Variants in PTPRD observed in about 807,000 individuals in gnomAD.
PTPRD encodes the protein receptor-type tyrosine-protein phosphatase delta.
In PTPRD, 34 loss-of-function variants were observed where a neutral mutation model predicts 214.5. That is an observed-to-expected ratio of 0.16 (90% CI 0.12 to 0.21). The LOEUF (loss-of-function observed/expected upper bound fraction) is 0.21. Ranked by LOEUF, PTPRD falls within the 10% of genes least tolerant of loss-of-function variation. The probability of loss-of-function intolerance (pLI) is 1.00; values close to 1 mark genes in which losing one functional copy is unlikely to be tolerated. For missense variants in PTPRD, 2,545 were observed against 2,398.7 expected (o/e 1.06, Z -1.27); for synonymous variants, 1,128 against 845.7 (o/e 1.33, Z -5.79).
At chr9:8,708,517 A>C (rs1182023438) in intron 12 of PTPRD, among the ~76,000 whole-genome samples, 1 of 151,110 alleles carries the variant, frequency 6.6e-6, no homozygotes, top group African/African-American at 2.5e-5. Context: ...CTACCAAAAA[A>C]ATACAAAAAA....
At chr9:9,446,400 A>T (rs575601532) in intron 8 of PTPRD, among the ~76,000 whole-genome samples, 1 of 152,278 alleles carries the variant, frequency 6.6e-6, no homozygotes, top group African/African-American at 2.4e-5. Flanking sequence ...AGGGAAGAAA[A>T]TCCCACTGTA....
chr9:8,373,928 A>ACCTACCTG (rs2082424151), intron 39 of PTPRD, among the ~76,000 whole-genome samples: 1 of 134,748 alleles, frequency 7.4e-6, no homozygotes, highest in Non-Finnish European at 1.5e-5. Flanking sequence ...CTACCTACCT[A>ACCTACCTG]TCTCAGTTTT....
chr9:9,019,292 GAAAGA>G (rs1453055993), intron 10 of PTPRD, among the ~76,000 whole-genome samples: 1 of 32,584 alleles, frequency 3.1e-5, no homozygotes, highest in East Asian at 6.4e-4. Flanking sequence ...AAGAAAGAAA[GAAAGA>G]AAGAAAGAAA....
chr9:8,563,436 CTT>C (rs1036473887), intron 14 of PTPRD, among the ~76,000 whole-genome samples: 39 of 130,536 alleles, frequency 3.0e-4, no homozygotes, highest in African/African-American at 5.5e-4. Context: ...TTGATGTAGA[CTT>C]TTTTTTTTTT....
At chr9:8,677,381 G>C (rs2097447905) in intron 12 of PTPRD, among the ~76,000 whole-genome samples, 1 of 152,196 alleles carries the variant, frequency 6.6e-6, no homozygotes, top group South Asian at 2.1e-4. Context: ...AACACAGATG[G>C]AGTGGGAGGC....
At chr9:9,998,197 C>T (rs181236522) in intron 4 of PTPRD, among the ~76,000 whole-genome samples, 11 of 147,934 alleles carry the variant, frequency 7.4e-5, no homozygotes, top group African/African-American at 2.8e-4. Context: ...CCACCTCGAC[C>T]CTGTCCAGCC....
At chr9:8,859,804 T>G (rs955821595) in intron 11 of PTPRD, among the ~76,000 whole-genome samples, 7 of 142,628 alleles carry the variant, frequency 4.9e-5, no homozygotes, top group African/African-American at 1.0e-4. Context: ...TCCAGCAATT[T>G]GGGGGTGGGG....
At chr9:8,419,369 T>C (rs1007429240) in intron 35 of PTPRD, among the ~76,000 whole-genome samples, 2 of 152,146 alleles carry the variant, frequency 1.3e-5, no homozygotes, top group Non-Finnish European at 2.9e-5. Context: ...AGAAAACTTA[T>C]TAAGTGATAG....
At chr9:10,185,742 T>A (rs958778948) in intron 3 of PTPRD, among the ~76,000 whole-genome samples, 1 of 148,260 alleles carries the variant, frequency 6.7e-6, no homozygotes, top group Non-Finnish European at 1.5e-5. Flanking sequence ...GAACCAGCGG[T>A]TTTTTTTTTC....
chr9:8,992,965 C>T (rs770264438), intron 11 of PTPRD, among the ~76,000 whole-genome samples: 1 of 152,122 alleles, frequency 6.6e-6, no homozygotes, highest in African/African-American at 2.4e-5. Context: ...TTACAACACA[C>T]TCTATAAGAT....
chr9:9,057,904 A>C (rs2099699259), intron 10 of PTPRD, among the ~76,000 whole-genome samples: 1 of 152,316 alleles, frequency 6.6e-6, no homozygotes, highest in African/African-American at 2.4e-5. Context: ...TAGAAGTATA[A>C]ATATTATATA....
At chr9:9,474,385 A>T (rs1353374433) in intron 8 of PTPRD, among the ~76,000 whole-genome samples, 1 of 151,962 alleles carries the variant, frequency 6.6e-6, no homozygotes, top group Non-Finnish European at 1.5e-5. Flanking sequence ...AGTCGGGTCC[A>T]GCTTTATTCT....
At chr9:10,345,909 T>C (rs1259647669) in intron 2 of PTPRD, among the ~76,000 whole-genome samples, 1 of 152,176 alleles carries the variant, frequency 6.6e-6, no homozygotes, top group East Asian at 1.9e-4. Context: ...TTTCTCCACA[T>C]CCTCTCCAGC....
At chr9:10,218,893 G>A (rs1056509848) in intron 3 of PTPRD, among the ~76,000 whole-genome samples, 1 of 151,646 alleles carries the variant, frequency 6.6e-6, no homozygotes, top group South Asian at 2.1e-4. Flanking sequence ...CACAAGTCTT[G>A]AAGTTAAACA....
At chr9:8,597,372 A>T (rs2094530365) in intron 14 of PTPRD, among the ~76,000 whole-genome samples, 1 of 152,130 alleles carries the variant, frequency 6.6e-6, no homozygotes, top group South Asian at 2.1e-4. Context: ...ATTATGTTTC[A>T]GTTCTATATT....
intron 35 of PTPRD, among the ~76,000 whole-genome samples, chr9:8,433,974 C>G (rs2095227329): frequency 6.7e-6 from 1 of 149,048 alleles, no homozygotes; most frequent in Admixed American, 6.6e-5. Flanking sequence ...ATAGGGGCAC[C>G]ATTTGTTTGT....
At chr9:8,334,558 A>G (rs958684523) in intron 43 of PTPRD, among the ~76,000 whole-genome samples, 35 of 135,858 alleles carry the variant, frequency 2.6e-4, no homozygotes, top group Non-Finnish European at 1.6e-4. Flanking sequence ...AGAGAAATTT[A>G]TAGCACTAAA....
At chr9:9,811,912 G>C (rs2153543621) in intron 5 of PTPRD, among the ~76,000 whole-genome samples, 1 of 152,248 alleles carries the variant, frequency 6.6e-6, no homozygotes, top group South Asian at 2.1e-4. Context: ...ATGCTACATA[G>C]AAATCTTTCA....
At chr9:9,359,884 C>T (rs1054916820) in intron 9 of PTPRD, among the ~76,000 whole-genome samples, 5 of 151,302 alleles carry the variant, frequency 3.3e-5, no homozygotes, top group Admixed American at 6.6e-5. Flanking sequence ...GAGACACTTA[C>T]TTTCACAGCT....
Sources: allele counts gnomAD v4.1 joint callset (sites outside exome capture counted in the v4.1 genomes callset), GRCh38; gene constraint gnomAD v4.1.1; transcripts MANE v1.5; gene names NCBI Gene and HGNC (gene_info 2026-07-23, HGNC 2026-07-21).